Variants in VTI1A observed in about 807,000 individuals in gnomAD.
VTI1A encodes the protein vesicle transport through interaction with t-SNAREs 1A, also known as vesicle transport through interaction with t-SNAREs homolog 1A.
In VTI1A, 22 loss-of-function variants were observed where a neutral mutation model predicts 34.9. The ratio of observed to expected loss-of-function variants is 0.63; its 90% confidence interval spans 0.45 to 0.90. The LOEUF is 0.90. Among genes scored for constraint, VTI1A ranks in the 40% least tolerant of loss-of-function variants. The pLI is 0.00. For missense variants in VTI1A, 268 were observed against 275.6 expected, an observed-to-expected ratio of 0.97 and a Z score of 0.20; for synonymous variants, 87 against 97.3, an observed-to-expected ratio of 0.89 and a Z score of 0.62.
chr10:112,559,642 C>G (rs1484680004), intron 5 of VTI1A, among the ~76,000 whole-genome samples: 2 of 152,166 alleles, frequency 1.3e-5, no homozygotes, highest in Non-Finnish European at 2.9e-5. Flanking sequence ...AGTGGATTAT[C>G]TCTTTATCAG....
At chr10:112,750,369 T>C (rs1220071660) in intron 7 of VTI1A, among the ~76,000 whole-genome samples, 1 of 152,068 alleles carries the variant, frequency 6.6e-6, no homozygotes, top group Non-Finnish European at 1.5e-5. Flanking sequence ...TGTAATTTTT[T>C]TTTTGGTTTT....
At chr10:112,778,314 T>C (rs1201789846) in intron 7 of VTI1A, among the ~76,000 whole-genome samples, 1 of 152,170 alleles carries the variant, frequency 6.6e-6, no homozygotes, top group Non-Finnish European at 1.5e-5. Context: ...GAAAGGCCGG[T>C]GACTCTGAGC....
chr10:112,472,245 G>T (rs990428385), intron 3 of VTI1A, among the ~76,000 whole-genome samples: 6 of 152,164 alleles, frequency 3.9e-5, no homozygotes, highest in African/African-American at 1.4e-4. Flanking sequence ...CCCGAATGCT[G>T]CCTTTTCCTG....
intron 5 of VTI1A, among the ~76,000 whole-genome samples, chr10:112,612,550 T>C (rs1845359397): frequency 6.6e-6 from 1 of 152,180 alleles, no homozygotes; most frequent in Admixed American, 6.5e-5. Flanking sequence ...GCCTCCTGAT[T>C]AGCTGGAACT....
At chr10:112,652,321 C>T (rs570594322) in intron 5 of VTI1A, among the ~76,000 whole-genome samples, 1 of 152,292 alleles carries the variant, frequency 6.6e-6, no homozygotes, top group African/African-American at 2.4e-5. Flanking sequence ...GTGTCCTTCA[C>T]ATTGGCTGTC....
intron 7 of VTI1A, among the ~76,000 whole-genome samples, chr10:112,696,094 T>TTATA (rs140889088): frequency 0.045 from 6,463 of 145,124 alleles, 399 homozygotes; most frequent in African/African-American, 0.14. Context: ...GAGAGAATGA[T>TTATA]TATATATATA....
intron 7 of VTI1A, among the ~76,000 whole-genome samples, chr10:112,694,076 C>G (rs939365994): frequency 6.6e-6 from 1 of 151,872 alleles, no homozygotes; most frequent in African/African-American, 2.4e-5. Context: ...CTTGGTGGCG[C>G]GTGCCTGTAA....
chr10:112,814,320 A>G (rs1217694591), intron 7 of VTI1A, among the ~76,000 whole-genome samples: 1 of 152,050 alleles, frequency 6.6e-6, no homozygotes, highest in Admixed American at 6.5e-5. Context: ...GTGGGGTTTT[A>G]AGCTGGACAG....
intron 5 of VTI1A, among the ~76,000 whole-genome samples, chr10:112,620,223 T>TC (rs199845911): frequency 0.026 from 4,015 of 152,278 alleles, 176 homozygotes; most frequent in African/African-American, 0.093. Flanking sequence ...TTGTTACTGA[T>TC]CATTGAAGCT....
Position 112,743,268 on chromosome 10 carries a change from G to A in VTI1A, c.561-72022G>A, listed in dbSNP as rs1042596157. Reference sequence around the variant, plus strand: ...ACAATGAGCAGACCCATTATAAATCGTCTTCATTCATGTTAACTCTTACAA... The same window carrying A: ...ACAATGAGCAGACCCATTATAAATCATCTTCATTCATGTTAACTCTTACAA... On this transcript the variant is annotated intron_variant, in intron 7 of 7. Transcript: ENST00000393077. Among the ~76,000 whole-genome samples, 14 of 152,190 alleles carry A rather than the reference G, an allele frequency of 9.2e-5. No individual in the cohort carries two copies. The East Asian group carries it at 9.6e-4, about 10-fold the overall frequency.
intron 7 of VTI1A, among the ~76,000 whole-genome samples, chr10:112,700,868 T>C (rs1249686333): frequency 6.6e-6 from 1 of 152,226 alleles, no homozygotes; most frequent in East Asian, 1.9e-4. Context: ...TTCCACCACT[T>C]TGGTTAAATG....
intron 7 of VTI1A, among the ~76,000 whole-genome samples, chr10:112,731,411 A>G (rs1413589665): frequency 6.6e-6 from 1 of 152,062 alleles, no homozygotes; most frequent in Non-Finnish European, 1.5e-5. Flanking sequence ...CATCTCTACT[A>G]AAAATACAAA....
intron 5 of VTI1A, among the ~76,000 whole-genome samples, chr10:112,545,737 G>A (rs1274519890): frequency 6.6e-6 from 1 of 152,190 alleles, no homozygotes; most frequent in Non-Finnish European, 1.5e-5. Flanking sequence ...GCACATTAAA[G>A]TTGAGTTAAA....
chr10:112,772,472 A>G (rs529789511), intron 7 of VTI1A, among the ~76,000 whole-genome samples: 2 of 152,368 alleles, frequency 1.3e-5, no homozygotes, highest in African/African-American at 4.8e-5. Flanking sequence ...ATCTGCAAAC[A>G]TGTTCTCCTA....
At chr10:112,448,606 T>C (rs919272688) in intron 1 of VTI1A, 3 of 120,202 alleles carry the variant, frequency 2.5e-5, no homozygotes, top group African/African-American at 1.0e-4. Flanking sequence ...TTTTGTTTAG[T>C]TTTGTTAGGG....
chr10:112,607,915 C>G (rs1845146813), intron 5 of VTI1A, among the ~76,000 whole-genome samples: 1 of 152,300 alleles, frequency 6.6e-6, no homozygotes, highest in East Asian at 1.9e-4. Flanking sequence ...GCTGACGTCT[C>G]TAAGAGAGAG....
intron 5 of VTI1A, among the ~76,000 whole-genome samples, chr10:112,553,136 T>A (rs1851423962): frequency 6.6e-6 from 1 of 152,206 alleles, no homozygotes; most frequent in Non-Finnish European, 1.5e-5. Context: ...TTTGAGGATT[T>A]AAAAAAAGTT....
chr10:112,802,348 G>GA (rs1852904040), intron 7 of VTI1A, among the ~76,000 whole-genome samples: 1 of 152,212 alleles, frequency 6.6e-6, no homozygotes, highest in South Asian at 2.1e-4. Context: ...ATCTAGTAAA[G>GA]ATTCTAAGAC....
At position 112,807,144 on chromosome 10, in the gene VTI1A, A is replaced by G. The variant is rs923004819; in HGVS notation, c.561-8146A>G. On this transcript the variant is annotated intron_variant, in intron 7 of 7. Coordinates refer to ENST00000393077, the MANE Select transcript of VTI1A (RefSeq NM_145206.4). ...GGAGATCTTAGTGTAGATCCACAGT[A>G]AATGTGCAGTGCAGCCATGGGGAAG... Among the ~76,000 whole-genome samples the G allele has an allele frequency of 4.7e-5, 6 of 126,802 alleles. No individual in the cohort carries two copies. The South Asian group carries it at 1.0e-3, about 22-fold the overall frequency. The allele number at this position is 126,802 out of a possible 152,430, so 83.2% of individuals were successfully genotyped here.
Sources: gnomAD v4.1 joint callset for allele counts (sites outside exome capture counted in the v4.1 genomes callset) on GRCh38, gnomAD v4.1.1 for gene constraint, MANE v1.5 for transcripts, NCBI Gene and HGNC (gene_info 2026-07-23, HGNC 2026-07-21) for gene names.